The following PCNT variants were observed in gnomAD, a reference collection of about 807,000 sequenced individuals.
The protein encoded by PCNT is pericentrin, also known as kendrin.
A neutral mutation model predicts 380.4 loss-of-function variants in PCNT; 319 were observed. The ratio of observed to expected loss-of-function variants is 0.84; its 90% CI spans 0.77 to 0.92. The LOEUF (loss-of-function observed/expected upper bound fraction) is 0.92. Among genes scored for constraint, PCNT ranks in the 40% least tolerant of loss-of-function variants. The pLI, the probability that PCNT is intolerant of heterozygous loss-of-function variation, is 0.00. For missense variants in PCNT, 4,400 were observed against 4,255.3 expected, an observed-to-expected ratio of 1.03 and a Z score of -0.95; for synonymous variants, 1,845 against 1,735.2, an observed-to-expected ratio of 1.06 and a Z score of -1.57.
chr21:46,354,235 C>T (rs1260314492), intron 11 of PCNT, among the ~76,000 whole-genome samples, 167 bp downstream of exon 11: 1 of 152,174 alleles, frequency 6.6e-6, no homozygotes, highest in Non-Finnish European at 1.5e-5. Flanking sequence ...CGGTGGGCCT[C>T]ACCATGCACT....
At chr21:46,397,911 G>A in intron 22 of PCNT, 103 bp from the exon 23 acceptor site, 2 of 811,478 alleles carry the variant, frequency 2.5e-6, no homozygotes, top group Admixed American at 2.0e-5. Context: ...TGAGCTGCTG[G>A]GCAGTTGCAC....
At chr21:46,428,201 G>C (rs1231682193) in intron 34 of PCNT, among the ~76,000 whole-genome samples, 194 bp from the exon 35 acceptor site, 1 of 152,196 alleles carries the variant, frequency 6.6e-6, no homozygotes, top group Non-Finnish European at 1.5e-5. Context: ...TGGCTTGCAG[G>C]CCTCACGCAG....
intron 20 of PCNT, 135 bp downstream of exon 20, chr21:46,390,967 A>G (rs898392181): frequency 3.3e-5 from 40 of 1,224,308 alleles, no homozygotes; most frequent in Admixed American, 8.1e-5. Context: ...GGAGGCACCC[A>G]TGGTTTGGGA....
At chr21:46,430,981 C>T in intron 37 of PCNT, 1 of 985,420 alleles carries the variant, frequency 1.0e-6, no homozygotes, top group African/African-American at 1.7e-5. Context: ...GAGGTCTGTG[C>T]ACAAGGCAGG....
intron 25 of PCNT, 56 bp downstream of exon 25, chr21:46,399,852 C>T (rs762663544): frequency 4.1e-5 from 60 of 1,452,122 alleles, no homozygotes; most frequent in Non-Finnish European, 5.6e-5. Context: ...GCAGGCATGG[C>T]TTCATCGCTG....
In PCNT at chr21:46,346,237, C is replaced by T. The variant is rs1417587271; in HGVS notation, c.720+29C>T. The T allele has an allele frequency of 1.1e-5, 17 of 1,556,098 alleles. No homozygotes were observed. The African/African-American group carries it at 1.6e-4, about 15-fold the overall frequency. On this transcript the variant is annotated intron_variant, in intron 4 of 46. Transcript: ENST00000359568. The stretch of plus-strand genomic sequence containing the variant: ...ACCCGGCGGGGCCTGCACAGGCTCA[C>T]AGCATGGGCTCTGTTATCCCCACAG...
intron 8 of PCNT, among the ~76,000 whole-genome samples, chr21:46,350,040 A>G (rs2146602745): frequency 6.6e-6 from 1 of 152,236 alleles, no homozygotes; most frequent in South Asian, 2.1e-4. Context: ...TTAGCCAGGC[A>G]TGGTGGTGGG....
At chr21:46,441,159 G>C in intron 43 of PCNT, 75 bp downstream of exon 43, 1 of 935,342 alleles carries the variant, frequency 1.1e-6, no homozygotes, top group South Asian at 1.3e-5. Flanking sequence ...ATGGTTTTTT[G>C]GTCATTTTAT....
chr21:46,366,362 TG>T (rs2084928595), intron 14 of PCNT, among the ~76,000 whole-genome samples: 1 of 152,204 alleles, frequency 6.6e-6, no homozygotes, highest in Non-Finnish European at 1.5e-5. Context: ...CCCATGGCTT[TG>T]GCCTTTGGCC....
rs143447540 is a variant in PCNT at position 46,366,833 on chromosome 21, C to A, written c.2859C>A (p.His953Gln). The stretch of plus-strand genomic sequence containing the variant: ...GTGTGGCCGAACTGCAGACAAAACA[C>A]GCTGCCGACCTCGGCGCTCTGGAGA... ...AARVAELQTKHAADLGALETR... is the reference protein window; with the variant it reads ...AARVAELQTKQAADLGALETR... Residue 953 changes from histidine (H) to glutamine (Q), a missense_variant, in exon 15 of 47, where the codon CAC becomes CAA. Transcript: ENST00000359568. 1 of 1,614,010 alleles carries A rather than the reference C, an allele frequency of 6.2e-7. No homozygotes were observed. Among genetic ancestry groups the A allele is most frequent in the South Asian group, 1.1e-5 (1 of 91,088 alleles).
At chr21:46,387,391 C>T (rs953744896) in intron 17 of PCNT, among the ~76,000 whole-genome samples, 17 of 152,186 alleles carry the variant, frequency 1.1e-4, no homozygotes, top group Admixed American at 1.1e-3. Flanking sequence ...AGGGGCACAG[C>T]GGCCAGTGGG....
chr21:46,352,022 C>T lies in PCNT; in HGVS notation c.1456+482C>T, dbSNP rs747929615. 4.6e-5 allele frequency among the ~76,000 whole-genome samples: 7 copies of T among 152,344 alleles called. No homozygotes were observed. The South Asian group carries it at 8.3e-4, about 18-fold the overall frequency. On this transcript the variant is annotated intron_variant, in intron 9 of 46. Coordinates refer to ENST00000359568, the MANE Select transcript of PCNT (RefSeq NM_006031.6). ...CTTATAGCTGAGCACCTCTGGAGAC[C>T]CCGACCCCAGGCCCCCCATTCCGTG... is the stretch of plus-strand genomic sequence containing the variant.
chr21:46,397,915 G>T, intron 22 of PCNT, 99 bp from the exon 23 acceptor site: 1 of 844,696 alleles, frequency 1.2e-6, no homozygotes, highest in Non-Finnish European at 1.9e-6. Flanking sequence ...CTGCTGGGCA[G>T]TTGCACTTGT....
chr21:46,445,462 GAATT>G lies in PCNT; in HGVS notation c.*138_*141del, dbSNP rs878974919. On this transcript the variant is annotated 3_prime_UTR_variant, in exon 47 of 47. Coordinates refer to ENST00000359568, the MANE Select transcript of PCNT (RefSeq NM_006031.6). The stretch of plus-strand genomic sequence containing the variant: ...GGTGACACCAGCCCCCAGATGCCTT[GAATT>G]AAGTGTCCTCACCTTTATGCATGAC... The G allele has an allele frequency of 7.7e-6, 6 of 774,942 alleles. No individual in the cohort carries two copies. The South Asian group carries it at 8.4e-5, about 11-fold the overall frequency. 48.0% of individuals were successfully genotyped at this position (774,942 alleles called of 1,614,324 possible).
chr21:46,423,592 T>G (rs2087345028), intron 32 of PCNT, among the ~76,000 whole-genome samples: 1 of 150,468 alleles, frequency 6.6e-6, no homozygotes, highest in Non-Finnish European at 1.5e-5. Context: ...GGAATAAATT[T>G]GATTAATGTT....
chr21:46,427,929 T>C, intron 34 of PCNT, 134 bp downstream of exon 34: 1 of 969,288 alleles, frequency 1.0e-6, no homozygotes. Flanking sequence ...TGGCTGTCAC[T>C]TACCCAGGTG....
At chr21:46,414,985 C>CT (rs1330912208) in intron 29 of PCNT, among the ~76,000 whole-genome samples, 2 of 152,240 alleles carry the variant, frequency 1.3e-5, no homozygotes, top group African/African-American at 4.8e-5. Context: ...ACCAGAAGTG[C>CT]TGGGCAGGTG....
At chr21:46,382,522 C>G (rs2085598870) in intron 16 of PCNT, among the ~76,000 whole-genome samples, 2 of 139,088 alleles carry the variant, frequency 1.4e-5, no homozygotes, top group South Asian at 5.0e-4. Context: ...GGCAGAAGCT[C>G]ATTCACAGTG....
rs2084952383 is a variant in PCNT, at chr21:46,367,007, T to G, written c.3033T>G (p.Ile1011Met). The G allele has an allele frequency of 6.2e-7, 1 of 1,614,108 alleles. No homozygotes were observed. The highest frequency in any genetic ancestry group is 1.3e-5 in the African/African-American group (1 of 75,024). ...LWKKDSLHQT[I>M]LTQELEKLKR... ...AAAAGGACTCTCTTCACCAAACGAT[T>G]TTGACTCAAGAGTTGGAGAAACTGA... Residue 1011 changes from isoleucine (I) to methionine (M), a missense_variant, in exon 15 of 47, where the codon ATT becomes ATG. Ile to Met is a conservative substitution (Grantham distance 10). Transcript: ENST00000359568.
Sources: allele counts gnomAD v4.1 joint callset (sites outside exome capture counted in the v4.1 genomes callset), GRCh38; gene constraint gnomAD v4.1.1; transcripts MANE v1.5; gene names NCBI Gene and HGNC (gene_info 2026-07-23, HGNC 2026-07-21).